Variants in PRUNE2 observed in about 807,000 individuals in gnomAD.
PRUNE2 encodes protein prune homolog 2.
Under a neutral mutation model 252.0 loss-of-function variants are expected in PRUNE2, and 164 were observed. That is an observed-to-expected ratio of 0.65 (90% CI 0.57 to 0.74). The LOEUF (loss-of-function observed/expected upper bound fraction) is 0.74, where lower values mean the gene tolerates loss of function less well. Ranked by LOEUF, PRUNE2 falls within the 30% of genes least tolerant of loss-of-function variation. PRUNE2 has a pLI of 0.00. For synonymous variants in PRUNE2, 1,292 were observed against 1,350.2 expected (o/e 0.96, Z 0.94); for missense variants, 3,495 against 3,711.0 (o/e 0.94, Z 1.51).
At chr9:76,732,734 T>C (rs1001747111) in intron 6 of PRUNE2, among the ~76,000 whole-genome samples, 1 of 152,240 alleles carries the variant, frequency 6.6e-6, no homozygotes, top group Non-Finnish European at 1.5e-5. Context: ...CGTCTCTTGC[T>C]GACAGCTCTG....
At chr9:76,697,243 A>T (rs549369149) in intron 9 of PRUNE2, among the ~76,000 whole-genome samples, 1 of 152,074 alleles carries the variant, frequency 6.6e-6, no homozygotes, top group East Asian at 1.9e-4. Context: ...ACACAAATGG[A>T]CTCCTTTGTG....
chr9:76,855,064 C>CA (rs772890225), intron 1 of PRUNE2, among the ~76,000 whole-genome samples: 848 of 78,082 alleles, frequency 0.011, 24 homozygotes, highest in African/African-American at 0.034. Context: ...GACTCCATCT[C>CA]AAAAAAAAAA....
At chr9:76,714,184 G>T (rs1240757572) in intron 6 of PRUNE2, among the ~76,000 whole-genome samples, 2 of 151,046 alleles carry the variant, frequency 1.3e-5, no homozygotes, top group African/African-American at 4.9e-5. Flanking sequence ...AATCAACATA[G>T]CTGAGTTTAC....
intron 9 of PRUNE2, among the ~76,000 whole-genome samples, chr9:76,701,025 T>C (rs1344861979): frequency 6.6e-6 from 1 of 152,252 alleles, no homozygotes; most frequent in East Asian, 1.9e-4. Context: ...AGTTAAACTG[T>C]AAACTCCTAG....
intron 4 of PRUNE2, among the ~76,000 whole-genome samples, chr9:76,838,543 G>A (rs1322789675): frequency 6.6e-6 from 1 of 151,704 alleles, no homozygotes; most frequent in Non-Finnish European, 1.5e-5. Flanking sequence ...CACTTGGGAG[G>A]CTGAGGCAGG....
At chr9:76,851,322 C>T (rs2059943120) in intron 2 of PRUNE2, among the ~76,000 whole-genome samples, 1 of 152,108 alleles carries the variant, frequency 6.6e-6, no homozygotes, top group Non-Finnish European at 1.5e-5. Context: ...CCAAGGCGGG[C>T]AGATCACGAG....
At chr9:76,815,590 G>A (rs1297733623) in intron 6 of PRUNE2, among the ~76,000 whole-genome samples, 2 of 152,108 alleles carry the variant, frequency 1.3e-5, no homozygotes, top group Non-Finnish European at 2.9e-5. Flanking sequence ...CTACTTCATT[G>A]GGGATTAAAT....
chr9:76,641,595 AGCTT>A (rs1842616007), intron 12 of PRUNE2, among the ~76,000 whole-genome samples: 3 of 152,218 alleles, frequency 2.0e-5, no homozygotes, highest in African/African-American at 7.2e-5. Context: ...TCAAATATGC[AGCTT>A]ACTCTAGTAA....
intron 1 of PRUNE2, among the ~76,000 whole-genome samples, chr9:76,867,085 G>C (rs2060887537): frequency 6.6e-6 from 1 of 152,126 alleles, no homozygotes; most frequent in South Asian, 2.1e-4. Context: ...TTCCTGGGCA[G>C]CTATAGCCTA....
intron 9 of PRUNE2, among the ~76,000 whole-genome samples, chr9:76,688,576 G>A (rs777861008): frequency 3.3e-5 from 5 of 152,042 alleles, no homozygotes; most frequent in Non-Finnish European, 7.4e-5. Context: ...TTTCTTCCGT[G>A]TCTGCAGTTC....
chr9:76,732,776 G>T (rs2048741821), intron 6 of PRUNE2, among the ~76,000 whole-genome samples: 1 of 152,176 alleles, frequency 6.6e-6, no homozygotes. Flanking sequence ...GACAGAAGTA[G>T]ACCTCCAGCA....
At chr9:76,830,651 CAAAAACAA>C (rs2058616189) in intron 4 of PRUNE2, among the ~76,000 whole-genome samples, 1 of 132,576 alleles carries the variant, frequency 7.5e-6, no homozygotes, top group South Asian at 2.5e-4. Context: ...GACTCAGTCT[CAAAAACAA>C]AAAAAGAAAA....
intron 1 of PRUNE2, 29 bp from the exon 2 acceptor site, chr9:76,854,237 A>G: frequency 8.1e-7 from 1 of 1,227,678 alleles, no homozygotes; most frequent in Non-Finnish European, 1.2e-6. Context: ...AAACATCACA[A>G]TTTAACAGGT....
At chr9:76,733,449 C>G (rs928052661) in intron 6 of PRUNE2, 3 of 152,228 alleles carry the variant, frequency 2.0e-5, no homozygotes, top group African/African-American at 7.2e-5. Flanking sequence ...CACTCTGTTA[C>G]CCAGGCTGAA....
chr9:76,743,471 G>A (rs1392551467), intron 6 of PRUNE2, among the ~76,000 whole-genome samples: 2 of 152,060 alleles, frequency 1.3e-5, no homozygotes, highest in Admixed American at 1.3e-4. Flanking sequence ...GTCCCTCTAT[G>A]GGGAACAGTC....
At chr9:76,809,065 C>T (rs1043646377) in intron 6 of PRUNE2, 3 of 152,284 alleles carry the variant, frequency 2.0e-5, no homozygotes, top group African/African-American at 7.2e-5. Context: ...TCTACCACCC[C>T]CTCCTTCACA....
intron 9 of PRUNE2, among the ~76,000 whole-genome samples, chr9:76,678,560 C>T (rs952789664): frequency 1.1e-4 from 17 of 152,100 alleles, no homozygotes; most frequent in African/African-American, 2.7e-4. Flanking sequence ...CCGGGCACGG[C>T]GGCACACGCC....
intron 6 of PRUNE2, among the ~76,000 whole-genome samples, chr9:76,720,998 A>G (rs2047597237): frequency 6.6e-6 from 1 of 152,150 alleles, no homozygotes; most frequent in African/African-American, 2.4e-5. Context: ...CTACTCGGAG[A>G]GGCTGAGGCA....
At chr9:76,842,235 G>A (rs1356889988) in intron 4 of PRUNE2, among the ~76,000 whole-genome samples, 1 of 152,080 alleles carries the variant, frequency 6.6e-6, no homozygotes, top group African/African-American at 2.4e-5. Flanking sequence ...AACAAGCAAT[G>A]GGGAAAGGAT....
Sources: gnomAD v4.1 joint callset for allele counts (sites outside exome capture counted in the v4.1 genomes callset) on GRCh38, gnomAD v4.1.1 for gene constraint, MANE v1.5 for transcripts, NCBI Gene and HGNC (gene_info 2026-07-23, HGNC 2026-07-21) for gene names.